The following TBC1D13 variants were observed in gnomAD, a reference collection of about 807,000 sequenced individuals.
TBC1D13 encodes epididymis secretory sperm binding protein.
Under a neutral mutation model 53.6 loss-of-function variants are expected in TBC1D13, and 40 were observed. The ratio of observed to expected loss-of-function variants is 0.75; its 90% CI spans 0.58 to 0.97. The LOEUF (loss-of-function observed/expected upper bound fraction) is 0.97, where lower values mean the gene tolerates loss of function less well. Ranked by LOEUF, TBC1D13 falls within the 50% of genes least tolerant of loss-of-function variation. TBC1D13 has a pLI of 0.00. For synonymous variants in TBC1D13, 182 were observed against 197.7 expected, an observed-to-expected ratio of 0.92 and a Z score of 0.67; for missense variants, 377 against 499.4, an observed-to-expected ratio of 0.75 and a Z score of 2.34.
Position 128,798,716 on chromosome 9 carries a change from C to G in TBC1D13, c.543+1502C>G, listed in dbSNP as rs375770813. 2.6e-5 allele frequency among the ~76,000 whole-genome samples: 4 copies of G among 152,296 alleles called. No individual in the cohort carries two copies. The East Asian group carries it at 7.7e-4, about 29-fold the overall frequency. ...ATATTATCTTATTCCTTAATTTACA[C>G]CCCCTACTTTGGTCTCTGGAATAGT... On this transcript the variant is annotated intron_variant, in intron 7 of 11. Coordinates refer to ENST00000372648, the MANE Select transcript of TBC1D13 (RefSeq NM_018201.5).
chr9:128,800,780 T>C (rs1030876321), intron 7 of TBC1D13, among the ~76,000 whole-genome samples: 2 of 152,222 alleles, frequency 1.3e-5, no homozygotes, highest in Non-Finnish European at 2.9e-5. Flanking sequence ...CACATTGCTT[T>C]ATTTGTGTGT....
intron 9 of TBC1D13, among the ~76,000 whole-genome samples, chr9:128,804,960 C>G (rs1256526947): frequency 6.6e-6 from 1 of 150,606 alleles, no homozygotes; most frequent in Non-Finnish European, 1.5e-5. Context: ...AACTCCTGAC[C>G]TCAAGTGATC....
intron 3 of TBC1D13, among the ~76,000 whole-genome samples, chr9:128,791,047 A>G (rs935898090): frequency 6.6e-5 from 10 of 152,198 alleles, no homozygotes; most frequent in African/African-American, 2.2e-4. Flanking sequence ...GACAAAACAA[A>G]GGCTGTGCTT....
intron 9 of TBC1D13, 84 bp downstream of exon 9, chr9:128,804,203 T>C (rs1829787197): frequency 6.6e-7 from 1 of 1,510,792 alleles, no homozygotes; most frequent in Admixed American, 1.9e-5. Flanking sequence ...GAGGTCTCGC[T>C]TGAGTCTGGG....
At chr9:128,792,962 ACATT>A in intron 6 of TBC1D13, among the ~76,000 whole-genome samples, 1 of 152,350 alleles carries the variant, frequency 6.6e-6, no homozygotes, top group South Asian at 2.1e-4. Context: ...GGCAAGACAG[ACATT>A]CAGCCCATTA....
rs1829831777 is a variant in TBC1D13 at position 128,806,290 on chromosome 9, T to C, written c.1116T>C (p.Thr372=). 2 of 1,614,120 alleles carry C rather than the reference T, an allele frequency of 1.2e-6. No individual in the cohort carries two copies. The highest frequency in any genetic ancestry group is 1.3e-5 in the African/African-American group (1 of 75,048). Residue 372 remains threonine, a synonymous_variant, in exon 11 of 12, where the codon ACT becomes ACC. Coordinates refer to ENST00000372648, the MANE Select transcript of TBC1D13 (RefSeq NM_018201.5). ...IREQLLEGDF[T]VNMRLLQDYP... ...AGCAGTTGCTGGAAGGGGACTTCACTGTGAATATGCGGCTGCTGCAGGTAA... is the reference window on the plus strand; with the variant it reads ...AGCAGTTGCTGGAAGGGGACTTCACCGTGAATATGCGGCTGCTGCAGGTAA...
In TBC1D13 at chr9:128,807,980, G is replaced by A. The variant is rs920113835; in HGVS notation, c.*101G>A. On this transcript the variant is annotated 3_prime_UTR_variant, in exon 12 of 12. Transcript: ENST00000372648. ...CTGTAGGAACCCAGCCTGAGGGGAA[G>A]CCACAGGATCGGCCCGAGACCCAGG... 6.2e-5 allele frequency: 74 copies of A among 1,186,564 alleles called. No homozygotes were observed. In the East Asian group the frequency reaches 1.8e-3, roughly 29 times the overall value. The allele number at this position is 1,186,564 out of a possible 1,614,324, so 73.5% of individuals were successfully genotyped here.
chr9:128,807,722 C>T (rs1037241778), intron 11 of TBC1D13, 92 bp from the exon 12 acceptor site: 13 of 1,362,328 alleles, frequency 9.5e-6, no homozygotes, highest in Non-Finnish European at 1.4e-5. Context: ...GGCCCAGGAT[C>T]CAGCATGGCA....
At position 128,804,728 on chromosome 9, in the gene TBC1D13, T is replaced by TG. The variant is rs1829798209; in HGVS notation, c.918+609_918+610insG. ...CCAGCCCTTTTTTTTCTGTTTTTTT[T>TG]TTTTTTTTTTTTTTTTTGAGAAGGA... On this transcript the variant is annotated intron_variant, in intron 9 of 11. Coordinates refer to ENST00000372648, the MANE Select transcript of TBC1D13 (RefSeq NM_018201.5). 1.6e-4 allele frequency among the ~76,000 whole-genome samples: 15 copies of TG among 96,396 alleles called. 1 individual carries two copies. Among genetic ancestry groups the TG allele is most frequent in the African/African-American group, 5.0e-4 (9 of 17,838 alleles). 63.2% of individuals were successfully genotyped at this position (96,396 alleles called of 152,430 possible). A position where few individuals can be genotyped will look rare whatever the true frequency, so the allele number is the denominator to read the frequency against.
rs185059156 is a variant in TBC1D13 at position 128,787,273 on chromosome 9, G to A, written c.-81G>A. On this transcript the variant is annotated 5_prime_UTR_variant, in exon 1 of 12. Transcript: ENST00000372648. ...CTTTTGCGCAGAGCCCCGCGTCCCT[G>A]GGGGGCGGCGGCGGCGGCGGCAGCG... 1.6e-6 allele frequency: 2 copies of A among 1,236,266 alleles called. No homozygotes were observed. The highest frequency in any genetic ancestry group is 4.1e-5 in the South Asian group (1 of 24,606). 76.6% of individuals were successfully genotyped at this position (1,236,266 alleles called of 1,614,324 possible).
Position 128,787,445 on chromosome 9 carries a change from G to C in TBC1D13, c.23+69G>C, listed in dbSNP as rs889380000. Reference sequence around the variant, plus strand: ...AGGCTGCCCCTTCTGCCCCTCAGAAGGGGGAAGCGCGGGTGTGGCCAGGAA... The same window carrying C: ...AGGCTGCCCCTTCTGCCCCTCAGAACGGGGAAGCGCGGGTGTGGCCAGGAA... On this transcript the variant is annotated intron_variant, in intron 1 of 11. Coordinates refer to ENST00000372648, the MANE Select transcript of TBC1D13 (RefSeq NM_018201.5). 2.4e-6 allele frequency: 3 copies of C among 1,244,634 alleles called. No homozygotes were observed. The East Asian group carries it at 9.5e-5, about 39-fold the overall frequency. The allele number at this position is 1,244,634 out of a possible 1,614,324, so 77.1% of individuals were successfully genotyped here. A position where few individuals can be genotyped will look rare whatever the true frequency, so the allele number is the denominator to read the frequency against.
At chr9:128,805,571 A>G (rs1829815593) in intron 9 of TBC1D13, among the ~76,000 whole-genome samples, 1 of 152,244 alleles carries the variant, frequency 6.6e-6, no homozygotes, top group African/African-American at 2.4e-5. Flanking sequence ...AAAGTGTGTG[A>G]AAAGAGTTTG....
intron 9 of TBC1D13, among the ~76,000 whole-genome samples, chr9:128,805,386 A>T (rs575876669): frequency 6.6e-6 from 1 of 152,130 alleles, no homozygotes; most frequent in Non-Finnish European, 1.5e-5. Context: ...TTCAGTTAAT[A>T]TTCACTGTGG....
intron 7 of TBC1D13, among the ~76,000 whole-genome samples, chr9:128,800,311 C>T (rs961812578): frequency 2.6e-5 from 4 of 151,156 alleles, no homozygotes; most frequent in South Asian, 2.1e-4. Flanking sequence ...GTTGGGGACC[C>T]GTGCTCATTG....
intron 7 of TBC1D13, among the ~76,000 whole-genome samples, chr9:128,802,391 A>G (rs1284537841): frequency 6.6e-6 from 1 of 152,184 alleles, no homozygotes; most frequent in Non-Finnish European, 1.5e-5. Context: ...AATGTAACTT[A>G]CGTGCAATTA....
At position 128,807,888 on chromosome 9, in the gene TBC1D13, C is replaced by T. The variant is rs1457722748; in HGVS notation, c.*9C>T. ...TCCAAGACTCAAAGTAGCCCGGCGGCAAGAGGCCCATGTTCCGGAGAGAAG... is the reference window on the plus strand; with the variant it reads ...TCCAAGACTCAAAGTAGCCCGGCGGTAAGAGGCCCATGTTCCGGAGAGAAG... On this transcript the variant is annotated 3_prime_UTR_variant, in exon 12 of 12. Coordinates refer to ENST00000372648, the MANE Select transcript of TBC1D13 (RefSeq NM_018201.5). The T allele has an allele frequency of 7.4e-6, 12 of 1,613,936 alleles. No individual in the cohort carries two copies. In the African/African-American group the frequency reaches 1.5e-4, roughly 20 times the overall value.
chr9:128,801,249 G>C (rs903761232), intron 7 of TBC1D13, among the ~76,000 whole-genome samples: 3 of 152,102 alleles, frequency 2.0e-5, no homozygotes, highest in African/African-American at 7.2e-5. Flanking sequence ...AATATCACCT[G>C]ATACCCAACC....
In TBC1D13 at chr9:128,791,580, C is replaced by G. The variant is rs1025559040; in HGVS notation, c.201-14C>G. 1.2e-6 allele frequency: 2 copies of G among 1,613,992 alleles called. No individual in the cohort carries two copies. The highest frequency in any genetic ancestry group is 1.7e-6 in the Non-Finnish European group (2 of 1,179,824). On this transcript the variant is annotated splice_polypyrimidine_tract_variant and intron_variant, in intron 4 of 11. Coordinates refer to ENST00000372648, the MANE Select transcript of TBC1D13 (RefSeq NM_018201.5). ...GGACCGTTGGGAATCATCCTTCTCA[C>G]TTGTCTCCTGCAGGGAGCTGTATGC...
chr9:128,794,994 A>G (rs1829601931), intron 6 of TBC1D13, among the ~76,000 whole-genome samples: 1 of 151,512 alleles, frequency 6.6e-6, no homozygotes, highest in East Asian at 1.9e-4. Context: ...ACAGTGTGAA[A>G]CTTATGGAAC....
Sources: gnomAD v4.1 joint callset for allele counts (sites outside exome capture counted in the v4.1 genomes callset) on GRCh38, gnomAD v4.1.1 for gene constraint, MANE v1.5 for transcripts, NCBI Gene and HGNC (gene_info 2026-07-23, HGNC 2026-07-21) for gene names.